AQR: variants seen among roughly 807,000 people sequenced by gnomAD.
AQR encodes aquarius intron-binding spliceosomal factor.
AQR carries 61 observed loss-of-function variants against 180.5 expected under a neutral mutation model. The observed-to-expected ratio is 0.34, with a 90% CI of 0.28 to 0.42. The LOEUF (loss-of-function observed/expected upper bound fraction) is 0.42, where lower values mean the gene tolerates loss of function less well. Ranked by LOEUF, AQR falls within the 10% of genes least tolerant of loss-of-function variation. The probability of loss-of-function intolerance (pLI) is 1.00; values close to 1 mark genes in which losing one functional copy is unlikely to be tolerated. For missense variants in AQR, 1,281 were observed against 1,798.3 expected, an observed-to-expected ratio of 0.71 and a Z score of 5.20; for synonymous variants, 551 against 588.8, an observed-to-expected ratio of 0.94 and a Z score of 0.93.
Position 34,913,552 on chromosome 15 carries a change from C to T in AQR, c.1484+1486G>A, listed in dbSNP as rs535685888. Among the ~76,000 whole-genome samples the T allele has an allele frequency of 1.6e-3, 244 of 152,134 alleles. 1 individual carries two copies. Among genetic ancestry groups the T allele is most frequent in the Non-Finnish European group, 3.1e-3 (208 of 67,982 alleles). On this transcript the variant is annotated intron_variant, in intron 16 of 34. Transcript: ENST00000156471. ...ACTCCAAGAAGTGACATTTTCTTCC[C>T]CAGCCAGAAAATGGTATAATTAAAA...
rs548374905 is a variant in AQR, at chr15:34,908,796, T to C, written c.1663+1339A>G. ...CAGACCTCTCATCTATAAATTCCTATAGAGTCCTTTAAAATAAACAAAATT... is the reference window on the plus strand; with the variant it reads ...CAGACCTCTCATCTATAAATTCCTACAGAGTCCTTTAAAATAAACAAAATT... On this transcript the variant is annotated intron_variant, in intron 17 of 34. Transcript: ENST00000156471. Among the ~76,000 whole-genome samples, 116 of 152,306 alleles carry C rather than the reference T, an allele frequency of 7.6e-4. 1 individual carries two copies. In the Middle Eastern group the frequency reaches 0.01, roughly 13 times the overall value.
chr15:34,899,561 G>C (rs1445857702), intron 20 of AQR, among the ~76,000 whole-genome samples: 1 of 151,010 alleles, frequency 6.6e-6, no homozygotes, highest in Non-Finnish European at 1.5e-5. Flanking sequence ...TTTTAATAGA[G>C]ATGAGGTCTC....
intron 27 of AQR, among the ~76,000 whole-genome samples, chr15:34,879,830 G>C (rs1892943722): frequency 6.6e-6 from 1 of 152,134 alleles, no homozygotes. Flanking sequence ...GCAGAGTTAA[G>C]AGGGTGGGAT....
intron 8 of AQR, among the ~76,000 whole-genome samples, chr15:34,940,511 C>T (rs1176030221): frequency 6.6e-6 from 1 of 151,904 alleles, no homozygotes; most frequent in African/African-American, 2.4e-5. Context: ...GCCTGGGCAA[C>T]AAGAGCGAAA....
chr15:34,886,939 A>G (rs962978969), intron 24 of AQR, among the ~76,000 whole-genome samples: 9 of 152,034 alleles, frequency 5.9e-5, no homozygotes, highest in Admixed American at 1.3e-4. Context: ...CATGGCTAAC[A>G]TGGTGAAACC....
At chr15:34,959,676 G>T (rs2050262816) in intron 3 of AQR, among the ~76,000 whole-genome samples, 1 of 152,216 alleles carries the variant, frequency 6.6e-6, no homozygotes, top group Non-Finnish European at 1.5e-5. Context: ...GATCATCTTT[G>T]ATTCTTCCTT....
chr15:34,965,394 G>A (rs943467630), intron 1 of AQR, among the ~76,000 whole-genome samples: 11 of 152,170 alleles, frequency 7.2e-5, no homozygotes, highest in African/African-American at 1.9e-4. Context: ...CTTCCGGCCA[G>A]GCATGGTGGC....
chr15:34,871,017 T>A, intron 30 of AQR, 95 bp from the exon 31 acceptor site: 1 of 1,217,182 alleles, frequency 8.2e-7, no homozygotes, highest in South Asian at 1.6e-5. Context: ...ACTTGTTCAC[T>A]TTGCACACTG....
intron 5 of AQR, among the ~76,000 whole-genome samples, chr15:34,946,480 T>C (rs1282552800): frequency 1.5e-5 from 1 of 64,796 alleles, no homozygotes; most frequent in Admixed American, 2.1e-4. Context: ...AGGAGGGAGG[T>C]GGGGGGGTCA....
intron 27 of AQR, 92 bp downstream of exon 27, chr15:34,882,410 T>C (rs1360638473): frequency 1.6e-6 from 2 of 1,271,238 alleles, no homozygotes; most frequent in African/African-American, 3.1e-5. Flanking sequence ...AAGAAACATT[T>C]TAAGGTAATT....
In AQR at chr15:34,855,797, C is replaced by T. The variant is rs1230439958; in HGVS notation, c.*995G>A. 1 of 152,158 alleles carries T rather than the reference C, an allele frequency of 6.6e-6. No individual in the cohort carries two copies. The highest frequency in any genetic ancestry group is 6.5e-5 in the Admixed American group (1 of 15,276). The allele number at this position is 152,158 out of a possible 1,614,324, so 9.4% of individuals were successfully genotyped here. On this transcript the variant is annotated 3_prime_UTR_variant, in exon 35 of 35. Coordinates refer to ENST00000156471, the MANE Select transcript of AQR (RefSeq NM_014691.3). ...CTGCATTTCTATAAATAACAAACTT[C>T]AATACGATGTTGATGCTGTTGGTTC...
chr15:34,900,668 C>T lies in AQR; in HGVS notation c.2197G>A (p.Val733Ile). 1.2e-6 allele frequency: 2 copies of T among 1,614,150 alleles called. No individual in the cohort carries two copies. The highest frequency in any genetic ancestry group is 1.7e-6 in the Non-Finnish European group (2 of 1,180,020). The stretch of plus-strand genomic sequence containing the variant: ...GCAGGGTCTTCTACAGTTACTTTAA[C>T]ATTATGACCAGGGAAGCTGGCTTTT... Reference protein sequence around the residue: ...HLKASFPGHNVKVTVEDPALQ... With the variant: ...HLKASFPGHNIKVTVEDPALQ... The change falls in exon 20 of 35, where the codon GTT (valine) becomes ATT (isoleucine). Residue 733 changes from valine to isoleucine, a missense_variant. Coordinates refer to ENST00000156471, the MANE Select transcript of AQR (RefSeq NM_014691.3).
At chr15:34,862,609 G>A (rs1049339199) in intron 33 of AQR, among the ~76,000 whole-genome samples, 2 of 151,738 alleles carry the variant, frequency 1.3e-5, no homozygotes, top group Non-Finnish European at 2.9e-5. Context: ...TGTTGCCCAG[G>A]CTGGTCTCAA....
At chr15:34,880,790 T>C (rs1278072037) in intron 27 of AQR, among the ~76,000 whole-genome samples, 1 of 152,238 alleles carries the variant, frequency 6.6e-6, no homozygotes, top group East Asian at 1.9e-4. Context: ...AGACAATGCC[T>C]AAAATGGAAA....
Position 34,853,840 on chromosome 15 carries a change from G to C in AQR, c.*2952C>G, listed in dbSNP as rs965766166. On this transcript the variant is annotated 3_prime_UTR_variant, in exon 35 of 35. Coordinates refer to ENST00000156471, the MANE Select transcript of AQR (RefSeq NM_014691.3). Reference sequence around the variant, plus strand: ...AGATAAAGAAAATGGGCTTAGAGAGGTTATAAAATTTGTCTAAGGTCTAAC... The same window carrying C: ...AGATAAAGAAAATGGGCTTAGAGAGCTTATAAAATTTGTCTAAGGTCTAAC... 2 of 152,090 alleles carry C rather than the reference G, an allele frequency of 1.3e-5. No individual in the cohort carries two copies. Among genetic ancestry groups the C allele is most frequent in the African/African-American group, 4.8e-5 (2 of 41,422 alleles). 9.4% of individuals were successfully genotyped at this position (152,090 alleles called of 1,614,324 possible).
At chr15:34,868,410 G>C (rs533891319) in intron 31 of AQR, 1 of 152,064 alleles carries the variant, frequency 6.6e-6, no homozygotes, top group East Asian at 1.9e-4. Context: ...CACTAATACT[G>C]GCAACTCAGA....
At chr15:34,909,657 G>A (rs1291975497) in intron 17 of AQR, among the ~76,000 whole-genome samples, 1 of 152,020 alleles carries the variant, frequency 6.6e-6, no homozygotes, top group Non-Finnish European at 1.5e-5. Flanking sequence ...TCCACAAAGT[G>A]TATGTATTTC....
At chr15:34,950,747 C>T (rs1894216966) in intron 4 of AQR, among the ~76,000 whole-genome samples, 1 of 152,040 alleles carries the variant, frequency 6.6e-6, no homozygotes, top group South Asian at 2.1e-4. Flanking sequence ...GAGAATATTA[C>T]CCTAATGTGC....
At position 34,940,915 on chromosome 15, in the gene AQR, G is replaced by C; in HGVS notation, c.625C>G (p.Pro209Ala). ...LIKKNDEKMD[P>A]EAREQAYQER... Reference sequence around the variant, plus strand: ...CCAACATACTGTTCTCTTGCTTCTGGATCCATCTTTTCATCATTCTTTTTA... The same window carrying C: ...CCAACATACTGTTCTCTTGCTTCTGCATCCATCTTTTCATCATTCTTTTTA... Residue 209 changes from proline to alanine, a missense_variant, in exon 8 of 35, where the codon CCA (proline) becomes GCA (alanine). Pro to Ala is a conservative substitution (Grantham distance 27). This residue lies in a region of AQR where 404 missense variants were observed against 490.9 expected (regional missense o/e 0.82). Transcript: ENST00000156471. 6.2e-7 allele frequency: 1 copy of C among 1,607,862 alleles called. No individual in the cohort carries two copies. The highest frequency in any genetic ancestry group is 8.5e-7 in the Non-Finnish European group (1 of 1,176,198).
Sources: allele counts gnomAD v4.1 joint callset (sites outside exome capture counted in the v4.1 genomes callset), GRCh38; gene constraint gnomAD v4.1.1; regional missense constraint gnomAD v4.1.1; transcripts MANE v1.5; gene names NCBI Gene and HGNC (gene_info 2026-07-23, HGNC 2026-07-21).